The following DST variants were observed in gnomAD, a reference collection of about 807,000 sequenced individuals.
DST encodes dystonin.
In DST, 253 loss-of-function variants were observed where a neutral mutation model predicts 875.2. The ratio of observed to expected loss-of-function variants is 0.29; its 90% CI spans 0.26 to 0.32. The LOEUF is 0.32. Among genes scored for constraint, DST ranks in the 10% least tolerant of loss-of-function variants. The pLI, the probability that DST is intolerant of heterozygous loss-of-function variation, is 1.00. For missense variants in DST, 8,287 were observed against 9,111.6 expected (o/e 0.91, Z 3.68); for synonymous variants, 3,124 against 3,197.1 (o/e 0.98, Z 0.77).
chr6:56,673,825 TAGGC>T (rs2099114954), intron 9 of DST, among the ~76,000 whole-genome samples: 1 of 152,170 alleles, frequency 6.6e-6, no homozygotes, highest in African/African-American at 2.4e-5. Context: ...CAGACTCCAC[TAGGC>T]CCACAAGCAG....
intron 4 of DST, among the ~76,000 whole-genome samples, chr6:56,789,416 A>G (rs543792678): frequency 6.6e-6 from 1 of 152,366 alleles, no homozygotes; most frequent in South Asian, 2.1e-4. Flanking sequence ...GATACCTTTT[A>G]AAATGCTGTG....
chr6:56,459,293 C>T (rs749070889), intron 103 of DST, 26 bp from the exon 104 acceptor site: 2 of 1,601,310 alleles, frequency 1.2e-6, no homozygotes, highest in Non-Finnish European at 1.7e-6. Context: ...AGAGACAGCT[C>T]ACCCTTATTA....
At chr6:56,512,871 A>C (rs972537571) in intron 72 of DST, among the ~76,000 whole-genome samples, 7 of 152,236 alleles carry the variant, frequency 4.6e-5, no homozygotes, top group Admixed American at 4.6e-4. Flanking sequence ...AGCATGCTGC[A>C]CATAAGAATG....
intron 61 of DST, among the ~76,000 whole-genome samples, chr6:56,551,550 C>A (rs1392931638): frequency 1.3e-5 from 2 of 152,122 alleles, no homozygotes; most frequent in African/African-American, 4.8e-5. Context: ...TCAAATGTTT[C>A]ATTCATTAAG....
chr6:56,824,633 T>C (rs2099777361), intron 4 of DST, among the ~76,000 whole-genome samples: 1 of 150,096 alleles, frequency 6.7e-6, no homozygotes, highest in Non-Finnish European at 1.5e-5. Flanking sequence ...GTCTGGGATG[T>C]GAGGAGCGCC....
intron 96 of DST, 66 bp from the exon 97 acceptor site, chr6:56,470,023 T>A: frequency 6.2e-7 from 1 of 1,604,810 alleles, no homozygotes; most frequent in South Asian, 1.1e-5. Flanking sequence ...CCTTAAAACT[T>A]TGACACAACA....
intron 49 of DST, among the ~76,000 whole-genome samples, chr6:56,588,738 T>C (rs1189774766): frequency 6.6e-6 from 1 of 152,232 alleles, no homozygotes; most frequent in East Asian, 1.9e-4. Context: ...AAAAATTTCC[T>C]CAACTAATCT....
intron 4 of DST, among the ~76,000 whole-genome samples, chr6:56,744,074 A>C (rs561062299): frequency 6.6e-6 from 1 of 151,814 alleles, no homozygotes; most frequent in Non-Finnish European, 1.5e-5. Flanking sequence ...GCTTGAGCCC[A>C]GAAGGCGGAG....
intron 3 of DST, among the ~76,000 whole-genome samples, chr6:56,857,831 C>T (rs944576051): frequency 6.6e-6 from 1 of 152,036 alleles, no homozygotes; most frequent in Non-Finnish European, 1.5e-5. Flanking sequence ...AAAGCAAGAG[C>T]ACATTATCTG....
At chr6:56,598,864 C>T (rs929015193) in intron 45 of DST, among the ~76,000 whole-genome samples, 155 bp from the exon 46 acceptor site, 1 of 152,038 alleles carries the variant, frequency 6.6e-6, no homozygotes, top group African/African-American at 2.4e-5. Context: ...GTTTCAATCA[C>T]AATACTTAAT....
At chr6:56,953,444 A>G (rs1001989068) in intron 2 of DST, among the ~76,000 whole-genome samples, 1 of 152,260 alleles carries the variant, frequency 6.6e-6, no homozygotes, top group Non-Finnish European at 1.5e-5. Flanking sequence ...GTGAACAACC[A>G]GAGTCAACTG....
chr6:56,782,382 T>C (rs988941272), intron 4 of DST, among the ~76,000 whole-genome samples: 1 of 152,210 alleles, frequency 6.6e-6, no homozygotes, highest in Admixed American at 6.5e-5. Flanking sequence ...AAGCTATTGA[T>C]TATTGCCACA....
chr6:56,472,714 T>G (rs1000042778), intron 93 of DST, among the ~76,000 whole-genome samples: 1 of 152,288 alleles, frequency 6.6e-6, no homozygotes, highest in South Asian at 2.1e-4. Flanking sequence ...CAAATGCCAA[T>G]AAAATATGGC....
At chr6:56,566,196 G>T (rs1037029837) in intron 55 of DST, among the ~76,000 whole-genome samples, 6 of 152,138 alleles carry the variant, frequency 3.9e-5, no homozygotes, top group African/African-American at 1.4e-4. Context: ...CCTTTCCAGG[G>T]GAGTGAATGG....
intron 4 of DST, among the ~76,000 whole-genome samples, chr6:56,801,747 A>ATT (rs200681543): frequency 0.15 from 19,955 of 132,282 alleles, 1,826 homozygotes; most frequent in Non-Finnish European, 0.18. Context: ...TCACACAATA[A>ATT]TTTTTTTTTT....
intron 4 of DST, among the ~76,000 whole-genome samples, chr6:56,798,146 G>A (rs2099742502): frequency 6.6e-6 from 1 of 152,200 alleles, no homozygotes; most frequent in African/African-American, 2.4e-5. Flanking sequence ...TGATGAAGGT[G>A]AATCTAAGCA....
chr6:56,467,430 T>C (rs1233978958), intron 98 of DST: 1 of 152,122 alleles, frequency 6.6e-6, no homozygotes, highest in Non-Finnish European at 1.5e-5. Context: ...CATCAAACTT[T>C]TAAAAACCAC....
At chr6:56,480,995 G>A (rs2095382294) in intron 90 of DST, among the ~76,000 whole-genome samples, 1 of 152,102 alleles carries the variant, frequency 6.6e-6, no homozygotes, top group Non-Finnish European at 1.5e-5. Flanking sequence ...TGATGTAACT[G>A]TCTTCTTCTT....
At chr6:56,595,247 G>A (rs2098352242) in intron 47 of DST, among the ~76,000 whole-genome samples, 1 of 151,814 alleles carries the variant, frequency 6.6e-6, no homozygotes, top group South Asian at 2.1e-4. Flanking sequence ...AACACTTTAG[G>A]AGCTTTTTCT....
Sources: allele counts gnomAD v4.1 joint callset (sites outside exome capture counted in the v4.1 genomes callset), GRCh38; gene constraint gnomAD v4.1.1; transcripts MANE v1.5; gene names NCBI Gene and HGNC (gene_info 2026-07-23, HGNC 2026-07-21).